The following CDH10 variants were observed in gnomAD, a reference collection of about 807,000 sequenced individuals.
The protein encoded by CDH10 is cadherin 10.
CDH10 carries 30 observed loss-of-function variants against 73.1 expected under a neutral mutation model. That is an observed-to-expected ratio of 0.41 (90% CI 0.31 to 0.56). The LOEUF is 0.56. CDH10 is among the 20% of genes least tolerant of loss of function. The probability of loss-of-function intolerance (pLI) is 0.27; values close to 1 mark genes in which losing one functional copy is unlikely to be tolerated. For synonymous variants in CDH10, 345 were observed against 348.2 expected (o/e 0.99, Z 0.10); for missense variants, 815 against 973.7 (o/e 0.84, Z 2.17).
intron 1 of CDH10, among the ~76,000 whole-genome samples, chr5:24,596,388 T>C (rs1324192979): frequency 6.6e-6 from 1 of 151,844 alleles, no homozygotes; most frequent in Non-Finnish European, 1.5e-5. Flanking sequence ...TTTGTCAGTG[T>C]GTCATCACAC....
chr5:24,500,745 T>C (rs1351676961), intron 8 of CDH10, among the ~76,000 whole-genome samples: 2 of 152,358 alleles, frequency 1.3e-5, no homozygotes, highest in Admixed American at 6.5e-5. Flanking sequence ...GCGTTGACTA[T>C]AATCATTACC....
chr5:24,627,402 C>T (rs1747547071), intron 1 of CDH10, among the ~76,000 whole-genome samples: 1 of 151,782 alleles, frequency 6.6e-6, no homozygotes, highest in Admixed American at 6.6e-5. Flanking sequence ...AATAAGTCAC[C>T]AATAAATAGA....
intron 2 of CDH10, among the ~76,000 whole-genome samples, chr5:24,560,309 G>A (rs1042124165): frequency 2.0e-5 from 3 of 151,834 alleles, no homozygotes; most frequent in African/African-American, 7.2e-5. Context: ...AAACAGATCT[G>A]TAGGGAAATA....
intron 1 of CDH10, among the ~76,000 whole-genome samples, chr5:24,628,698 C>T (rs542099591): frequency 6.6e-6 from 1 of 152,102 alleles, no homozygotes; most frequent in Admixed American, 6.5e-5. Context: ...AGCTTGTATT[C>T]AAGTTTCTTC....
Position 24,509,813 on chromosome 5 carries a change from C to T in CDH10, c.1009G>A (p.Asp337Asn), listed in dbSNP as rs893259614. 9.4e-6 allele frequency: 15 copies of T among 1,600,944 alleles called. No individual in the cohort carries two copies. The highest frequency in any genetic ancestry group is 1.7e-4 in the Middle Eastern group (1 of 5,944). ...GTATAAAGTCTTCGGCTCTCATAGTCGAGTGGCTGTATAAAAAAATAAATC... is the reference window on the plus strand; with the variant it reads ...GTATAAAGTCTTCGGCTCTCATAGTTGAGTGGCTGTATAAAAAAATAAATC... ...EGIITVKKPLDYESRRLYTLK... is the reference protein window; with the variant it reads ...EGIITVKKPLNYESRRLYTLK... Residue 337 changes from aspartate (D) to asparagine (N), a missense_variant, in exon 7 of 12, where the codon GAC (aspartate) becomes AAC (asparagine). By Grantham distance (23) the Asp-to-Asn change is conservative (BLOSUM62 1). Transcript: ENST00000264463.
intron 2 of CDH10, among the ~76,000 whole-genome samples, chr5:24,572,291 A>C (rs1171649188): frequency 6.6e-6 from 1 of 152,148 alleles, no homozygotes; most frequent in Admixed American, 6.5e-5. Flanking sequence ...AAGAAGTAGC[A>C]ATGCACAGAG....
chr5:24,490,671 G>T (rs757440287), intron 11 of CDH10, among the ~76,000 whole-genome samples: 2 of 152,000 alleles, frequency 1.3e-5, no homozygotes, highest in Non-Finnish European at 2.9e-5. Flanking sequence ...ATCCATTTTT[G>T]TTGTTGTTGC....
At chr5:24,575,459 T>C (rs1561173577) in intron 2 of CDH10, among the ~76,000 whole-genome samples, 1 of 151,860 alleles carries the variant, frequency 6.6e-6, no homozygotes. Flanking sequence ...TACGTTAAGA[T>C]ACTTTACCTA....
At chr5:24,620,082 T>C (rs929036044) in intron 1 of CDH10, among the ~76,000 whole-genome samples, 2 of 152,214 alleles carry the variant, frequency 1.3e-5, no homozygotes, top group African/African-American at 2.4e-5. Context: ...GAATAAATAC[T>C]TCTGCAAAAA....
rs1298399236 is a variant in CDH10 at position 24,523,740 on chromosome 5, G to A, written c.814+11372C>T. Among the ~76,000 whole-genome samples, 7 of 152,060 alleles carry A rather than the reference G, an allele frequency of 4.6e-5. 1 individual carries two copies. Among genetic ancestry groups the A allele is most frequent in the African/African-American group, 1.7e-4 (7 of 41,430 alleles). Reference sequence around the variant, plus strand: ...TACTGTTTTTTATTTTTCGATTGGTGCAGAGACAATATTTGTTACAAGGTG... The same window carrying A: ...TACTGTTTTTTATTTTTCGATTGGTACAGAGACAATATTTGTTACAAGGTG... On this transcript the variant is annotated intron_variant, in intron 5 of 11. Transcript: ENST00000264463.
In CDH10 at chr5:24,488,086, T is replaced by C. The variant is rs780903483; in HGVS notation, c.1944A>G (p.Glu648=). Residue 648 remains glutamate (E), a synonymous_variant, in exon 12 of 12, where the codon GAA becomes GAG. Transcript: ENST00000264463. ...RKKEPLILSK[E]DIRDNIVSYN... ...AGCTCACAATGTTGTCTCTGATATCTTCTTTTGACAAGATCAGAGGCTCTT... is the reference window on the plus strand; with the variant it reads ...AGCTCACAATGTTGTCTCTGATATCCTCTTTTGACAAGATCAGAGGCTCTT... The C allele has an allele frequency of 1.2e-6, 2 of 1,613,832 alleles. No homozygotes were observed. The highest frequency in any genetic ancestry group is 2.2e-5 in the South Asian group (2 of 91,080).
chr5:24,617,522 C>A (rs1232660612), intron 1 of CDH10, among the ~76,000 whole-genome samples: 2 of 152,010 alleles, frequency 1.3e-5, no homozygotes, highest in Non-Finnish European at 2.9e-5. Flanking sequence ...CTCCTCATAG[C>A]CTATGCATGC....
chr5:24,489,320 A>G (rs1741961757), intron 11 of CDH10, among the ~76,000 whole-genome samples: 1 of 152,130 alleles, frequency 6.6e-6, no homozygotes, highest in Non-Finnish European at 1.5e-5. Flanking sequence ...TCAACCTGTG[A>G]GAGAAGGCAA....
chr5:24,614,760 T>C (rs1238491923), intron 1 of CDH10, among the ~76,000 whole-genome samples: 1 of 152,214 alleles, frequency 6.6e-6, no homozygotes, highest in Non-Finnish European at 1.5e-5. Flanking sequence ...GTATTTTATA[T>C]GTACCCATGT....
chr5:24,565,834 A>G (rs1263667445), intron 2 of CDH10, among the ~76,000 whole-genome samples: 3 of 152,046 alleles, frequency 2.0e-5, no homozygotes, highest in Non-Finnish European at 4.4e-5. Flanking sequence ...GAAGGCAACC[A>G]TCTGCAAGTC....
intron 2 of CDH10, among the ~76,000 whole-genome samples, chr5:24,577,169 T>C (rs1045518428): frequency 6.6e-6 from 1 of 151,922 alleles, no homozygotes; most frequent in Non-Finnish European, 1.5e-5. Flanking sequence ...TCTGGTGGAA[T>C]TCTAGAGGTG....
chr5:24,621,927 C>A (rs961800735), intron 1 of CDH10, among the ~76,000 whole-genome samples: 1 of 152,156 alleles, frequency 6.6e-6, no homozygotes, highest in African/African-American at 2.4e-5. Context: ...ATATGACCAG[C>A]CTAAAACTAG....
intron 1 of CDH10, among the ~76,000 whole-genome samples, chr5:24,594,439 T>C (rs1368245756): frequency 6.6e-6 from 1 of 151,842 alleles, no homozygotes; most frequent in Non-Finnish European, 1.5e-5. Flanking sequence ...GTCATTTTTT[T>C]TTCCACAAAA....
chr5:24,515,619 C>T (rs544403226), intron 5 of CDH10, among the ~76,000 whole-genome samples: 17 of 152,276 alleles, frequency 1.1e-4, no homozygotes, highest in Admixed American at 8.5e-4. Flanking sequence ...TTTCATCTTG[C>T]CATTAAAGTC....
Sources: allele counts gnomAD v4.1 joint callset (sites outside exome capture counted in the v4.1 genomes callset), GRCh38; gene constraint gnomAD v4.1.1; transcripts MANE v1.5; gene names NCBI Gene and HGNC (gene_info 2026-07-23, HGNC 2026-07-21).